The following YPEL2 variants were observed in gnomAD, a reference collection of about 807,000 sequenced individuals.
The protein encoded by YPEL2 is protein yippee-like 2.
YPEL2 carries 2 observed loss-of-function variants against 19.1 expected under a neutral mutation model. That is an observed-to-expected ratio of 0.10 (90% CI 0.04 to 0.33). The LOEUF is 0.33. YPEL2 is among the 10% of genes least tolerant of loss of function. The pLI is 1.00. For missense variants in YPEL2, 66 were observed against 140.7 expected, an observed-to-expected ratio of 0.47 and a Z score of 2.68; for synonymous variants, 52 against 50.0, an observed-to-expected ratio of 1.04 and a Z score of -0.17.
intron 1 of YPEL2, among the ~76,000 whole-genome samples, chr17:59,333,562 A>G (rs1269215283): frequency 2.6e-5 from 4 of 152,216 alleles, no homozygotes; most frequent in African/African-American, 9.7e-5. Flanking sequence ...AATAAGTTTC[A>G]GAGAACAATA....
Position 59,380,035 on chromosome 17 carries a change from A to G in YPEL2, c.118-8292A>G, listed in dbSNP as rs2047940900. On this transcript the variant is annotated intron_variant, in intron 2 of 4. Coordinates refer to ENST00000312655, the MANE Select transcript of YPEL2 (RefSeq NM_001005404.4). ...ATCACCACGCCCAGCTAATTTTTGT[A>G]TTTTCAGTAGAGACTGGGTTTCGTC... Among the ~76,000 whole-genome samples the G allele has an allele frequency of 2.7e-5, 4 of 150,064 alleles. No individual in the cohort carries two copies. In the South Asian group the frequency reaches 6.3e-4, roughly 24 times the overall value.
intron 1 of YPEL2, among the ~76,000 whole-genome samples, chr17:59,347,647 A>G (rs1239591905): frequency 3.3e-5 from 5 of 152,134 alleles, no homozygotes; most frequent in African/African-American, 1.2e-4. Context: ...TCTTAGAAGG[A>G]CCTCAATACT....
intron 2 of YPEL2, among the ~76,000 whole-genome samples, chr17:59,380,281 T>C: frequency 6.8e-6 from 1 of 147,298 alleles, no homozygotes; most frequent in Non-Finnish European, 1.5e-5. Context: ...TCTTTTTTTT[T>C]TTTTTTTTTT....
In YPEL2 at chr17:59,383,962, G is replaced by T. The variant is rs190968314; in HGVS notation, c.118-4365G>T. On this transcript the variant is annotated intron_variant, in intron 2 of 4. Transcript: ENST00000312655. Reference sequence around the variant, plus strand: ...CCAGTTTGGGGCGATAATGAATTAAGCTGTGAAAAACACTCTCATATAGGT... The same window carrying T: ...CCAGTTTGGGGCGATAATGAATTAATCTGTGAAAAACACTCTCATATAGGT... Among the ~76,000 whole-genome samples, 252 of 152,100 alleles carry T rather than the reference G, an allele frequency of 1.7e-3. 1 individual carries two copies. Among genetic ancestry groups the T allele is most frequent in the Non-Finnish European group, 2.7e-3 (186 of 68,002 alleles).
Position 59,397,921 on chromosome 17 carries a change from T to C in YPEL2, c.*731T>C, listed in dbSNP as rs1406723436. 6.6e-6 allele frequency: 1 copy of C among 152,264 alleles called. No individual in the cohort carries two copies. The highest frequency in any genetic ancestry group is 1.5e-5 in the Non-Finnish European group (1 of 68,114). 9.4% of individuals were successfully genotyped at this position (152,264 alleles called of 1,614,324 possible). ...GATGACTCTGATGCCTCACTCAGTC[T>C]CTGGGCAATCATCATCTTTGCCTCT... On this transcript the variant is annotated 3_prime_UTR_variant, in exon 5 of 5. Transcript: ENST00000312655.
rs111282119 is a variant in YPEL2, at chr17:59,347,323, C to A, written c.-195-5892C>A. On this transcript the variant is annotated intron_variant, in intron 1 of 4. Coordinates refer to ENST00000312655, the MANE Select transcript of YPEL2 (RefSeq NM_001005404.4). ...TTTTTCTTTTTTCTTTTTAGGGTTT[C>A]ACTGTGTTGCCCAGGCTAGTCTCAT... is the stretch of plus-strand genomic sequence containing the variant. Among the ~76,000 whole-genome samples the A allele has an allele frequency of 8.3e-3, 1,265 of 152,042 alleles. 17 individuals carry two copies. The highest frequency in any genetic ancestry group is 0.044 in the Middle Eastern group (13 of 294).
intron 1 of YPEL2, among the ~76,000 whole-genome samples, chr17:59,348,871 T>C (rs1425440474): frequency 6.6e-6 from 1 of 152,124 alleles, no homozygotes; most frequent in African/African-American, 2.4e-5. Context: ...AGCTCCATAC[T>C]CTTAATTTCT....
chr17:59,393,751 A>C (rs2048021280), intron 4 of YPEL2, among the ~76,000 whole-genome samples: 1 of 149,572 alleles, frequency 6.7e-6, no homozygotes, highest in Non-Finnish European at 1.5e-5. Flanking sequence ...TCTGTTTAAC[A>C]AAGCACATCT....
chr17:59,397,357 C>T lies in YPEL2; in HGVS notation c.*167C>T, dbSNP rs1567766086. The T allele has an allele frequency of 4.3e-6, 2 of 468,254 alleles. No individual in the cohort carries two copies. Among genetic ancestry groups the T allele is most frequent in the Admixed American group, 8.1e-5 (2 of 24,650 alleles). The allele number at this position is 468,254 out of a possible 1,614,324, so 29.0% of individuals were successfully genotyped here. A position where few individuals can be genotyped will look rare whatever the true frequency, so the allele number is the denominator to read the frequency against. ...TCTTTCTGGTGACCGGCCTCTAAAT[C>T]GCTGTCTCTCTGTCTCTTTGCTTTG... On this transcript the variant is annotated 3_prime_UTR_variant, in exon 5 of 5. Coordinates refer to ENST00000312655, the MANE Select transcript of YPEL2 (RefSeq NM_001005404.4).
rs1369385517 is a variant in YPEL2, at chr17:59,383,267, T to C, written c.118-5060T>C. ...TTAACATAGATAAGTCTTAGGACCT[T>C]GGAGTCTTATAGTCTATTTAGTCTT... is the stretch of plus-strand genomic sequence containing the variant. On this transcript the variant is annotated intron_variant, in intron 2 of 4. Transcript: ENST00000312655. Among the ~76,000 whole-genome samples, 18 of 152,104 alleles carry C rather than the reference T, an allele frequency of 1.2e-4. No individual in the cohort carries two copies. The East Asian group carries it at 3.5e-3, about 29-fold the overall frequency.
rs190861093 is a variant in YPEL2 at position 59,390,901 on chromosome 17, C to T, written c.270+1433C>T. On this transcript the variant is annotated intron_variant, in intron 4 of 4. Coordinates refer to ENST00000312655, the MANE Select transcript of YPEL2 (RefSeq NM_001005404.4). ...GCTACTTAGCTTCTATGCTAAGTTT[C>T]CTCATACTTACAGAGTTGGTTTGAG... is the stretch of plus-strand genomic sequence containing the variant. Among the ~76,000 whole-genome samples the T allele has an allele frequency of 4.8e-3, 727 of 152,312 alleles. 14 individuals carry two copies. Among genetic ancestry groups the T allele is most frequent in the Non-Finnish European group, 2.4e-3 (166 of 68,032 alleles).
chr17:59,390,515 GC>G (rs1441835652), intron 4 of YPEL2, among the ~76,000 whole-genome samples: 5 of 152,148 alleles, frequency 3.3e-5, no homozygotes, highest in African/African-American at 1.2e-4. Flanking sequence ...TAGGTCCCAG[GC>G]CCTGAGCAAG....
Position 59,341,592 on chromosome 17 carries a change from C to T in YPEL2, c.-196+9768C>T, listed in dbSNP as rs1011918553. 6.6e-5 allele frequency among the ~76,000 whole-genome samples: 10 copies of T among 152,010 alleles called. No homozygotes were observed. The East Asian group carries it at 1.9e-3, about 29-fold the overall frequency. On this transcript the variant is annotated intron_variant, in intron 1 of 4. Transcript: ENST00000312655. ...GAGAATTGCTTGAACCTGGGAGGCG[C>T]AGGTTGCAGTGAGCCAGATTGTGCC...
At chr17:59,395,269 T>C (rs1364944732) in intron 4 of YPEL2, among the ~76,000 whole-genome samples, 1 of 152,184 alleles carries the variant, frequency 6.6e-6, no homozygotes, top group East Asian at 1.9e-4. Flanking sequence ...ACATTGCTGC[T>C]CTGGTGTGCC....
intron 2 of YPEL2, among the ~76,000 whole-genome samples, chr17:59,371,348 C>T (rs2047896323): frequency 6.6e-6 from 1 of 152,184 alleles, no homozygotes; most frequent in African/African-American, 2.4e-5. Flanking sequence ...ATGGGGCAGG[C>T]CCTGGGTGGT....
chr17:59,367,018 A>T (rs2047873593), intron 2 of YPEL2, among the ~76,000 whole-genome samples: 1 of 152,176 alleles, frequency 6.6e-6, no homozygotes, highest in Non-Finnish European at 1.5e-5. Flanking sequence ...CCAATAAGAT[A>T]AGGTCTGACA....
intron 2 of YPEL2, among the ~76,000 whole-genome samples, chr17:59,370,967 A>G (rs2047894370): frequency 6.6e-6 from 1 of 151,904 alleles, no homozygotes; most frequent in African/African-American, 2.4e-5. Context: ...TATTTTCCCC[A>G]GGAGCATGTG....
chr17:59,381,471 C>G (rs1281444475), intron 2 of YPEL2, among the ~76,000 whole-genome samples: 1 of 152,188 alleles, frequency 6.6e-6, no homozygotes, highest in Non-Finnish European at 1.5e-5. Flanking sequence ...AGGTGAGGAC[C>G]TGTATCTATC....
At chr17:59,342,663 A>G (rs1448445714) in intron 1 of YPEL2, among the ~76,000 whole-genome samples, 1 of 152,236 alleles carries the variant, frequency 6.6e-6, no homozygotes, top group Admixed American at 6.5e-5. Context: ...CAAATACAAA[A>G]GGAAGGACTG....
Sources: gnomAD v4.1 joint callset for allele counts (sites outside exome capture counted in the v4.1 genomes callset) on GRCh38, gnomAD v4.1.1 for gene constraint, MANE v1.5 for transcripts, NCBI Gene and HGNC (gene_info 2026-07-23, HGNC 2026-07-21) for gene names.